The following PSD3 variants were observed in gnomAD, a reference collection of about 807,000 sequenced individuals.
PSD3 encodes the protein pleckstrin and Sec7 domain containing 3.
A neutral mutation model predicts 105.5 loss-of-function variants in PSD3; 49 were observed. That is an observed-to-expected ratio of 0.46 (90% CI 0.37 to 0.59). The LOEUF (loss-of-function observed/expected upper bound fraction) is 0.59, where lower values mean the gene tolerates loss of function less well. Ranked by LOEUF, PSD3 falls within the 20% of genes least tolerant of loss-of-function variation. The probability of loss-of-function intolerance (pLI) is 0.00; values close to 1 mark genes in which losing one functional copy is unlikely to be tolerated. For synonymous variants in PSD3, 557 were observed against 457.8 expected (o/e 1.22, Z -2.77); for missense variants, 1,561 against 1,263.8 (o/e 1.24, Z -3.57).
intron 9 of PSD3, among the ~76,000 whole-genome samples, chr8:18,694,811 C>T (rs1418254375): frequency 5.5e-5 from 6 of 108,278 alleles, no homozygotes; most frequent in Middle Eastern, 5.2e-3. Context: ...TAGTGAAACC[C>T]TATCTCCACT....
intron 6 of PSD3, chr8:18,802,326 C>T (rs771325825): frequency 2.3e-6 from 1 of 430,310 alleles, no homozygotes; most frequent in South Asian, 1.7e-5. Flanking sequence ...CCAGATGACC[C>T]TCACTTGACA....
chr8:18,841,315 A>G (rs916270682), intron 4 of PSD3, among the ~76,000 whole-genome samples: 49 of 152,192 alleles, frequency 3.2e-4, no homozygotes, highest in African/African-American at 1.1e-3. Flanking sequence ...GCAGCCCACT[A>G]AAACACAGCA....
Position 19,013,680 on chromosome 8 carries a change from C to A in PSD3, c.-97G>T. 9.2e-7 allele frequency: 1 copy of A among 1,082,772 alleles called. No homozygotes were observed. The highest frequency in any genetic ancestry group is 1.2e-6 in the Non-Finnish European group (1 of 865,100). The allele number at this position is 1,082,772 out of a possible 1,614,324, so 67.1% of individuals were successfully genotyped here. ...GTGCCGGCGGCCAGCGCCGCGTGCT[C>A]TTTGTTGAGCTCCCGGGACTGCCGA... On this transcript the variant is annotated 5_prime_UTR_variant, in exon 1 of 16. Transcript: ENST00000327040.
intron 10 of PSD3, among the ~76,000 whole-genome samples, chr8:18,634,266 T>A (rs981243357): frequency 6.6e-6 from 1 of 152,072 alleles, no homozygotes; most frequent in Non-Finnish European, 1.5e-5. Context: ...ACAGCCTTTT[T>A]TTTCTCTTTT....
intron 1 of PSD3, among the ~76,000 whole-genome samples, chr8:18,992,128 T>C (rs1825839286): frequency 1.3e-5 from 2 of 152,192 alleles, no homozygotes; most frequent in Non-Finnish European, 2.9e-5. Flanking sequence ...ACCCTGTTTT[T>C]ATGAAAAAGT....
At chr8:18,861,598 GTC>G (rs1268175990) in intron 4 of PSD3, among the ~76,000 whole-genome samples, 5 of 152,134 alleles carry the variant, frequency 3.3e-5, no homozygotes, top group African/African-American at 1.2e-4. Context: ...GCTCCAGCCA[GTC>G]ACCCATGCTT....
intron 1 of PSD3, among the ~76,000 whole-genome samples, chr8:18,970,380 C>G (rs1824574275): frequency 6.6e-6 from 1 of 151,042 alleles, no homozygotes; most frequent in South Asian, 2.1e-4. Flanking sequence ...CCTCATTTCC[C>G]CCAATATATC....
intron 1 of PSD3, among the ~76,000 whole-genome samples, chr8:18,942,528 A>G (rs573950203): frequency 8.5e-5 from 13 of 152,316 alleles, no homozygotes; most frequent in African/African-American, 3.1e-4. Flanking sequence ...CCAGTACCTC[A>G]AATGTAACTG....
At chr8:18,824,029 C>A (rs1812972228) in intron 4 of PSD3, among the ~76,000 whole-genome samples, 2 of 151,972 alleles carry the variant, frequency 1.3e-5, no homozygotes, top group Admixed American at 1.3e-4. Flanking sequence ...AACAAATTTC[C>A]AGGCTTATCT....
chr8:18,669,336 T>G (rs777786750), intron 9 of PSD3, among the ~76,000 whole-genome samples: 6 of 152,220 alleles, frequency 3.9e-5, no homozygotes, highest in African/African-American at 1.2e-4. Flanking sequence ...TATTGTATGT[T>G]TTTTTCCTAG....
chr8:18,711,205 T>C (rs2129421876), intron 9 of PSD3, among the ~76,000 whole-genome samples: 1 of 152,180 alleles, frequency 6.6e-6, no homozygotes, highest in East Asian at 1.9e-4. Context: ...CACAGACCAA[T>C]AACACTATGA....
At chr8:18,867,105 A>G (rs1817000367) in intron 4 of PSD3, among the ~76,000 whole-genome samples, 3 of 152,194 alleles carry the variant, frequency 2.0e-5, no homozygotes, top group Admixed American at 2.0e-4. Context: ...TAGAGAGAGA[A>G]AATAAATACG....
At chr8:18,756,080 T>A (rs1585854932) in intron 9 of PSD3, among the ~76,000 whole-genome samples, 2 of 152,230 alleles carry the variant, frequency 1.3e-5, no homozygotes, top group Admixed American at 6.5e-5. Context: ...AAACCTAGCT[T>A]TTCTCTTAAA....
At chr8:18,704,350 CT>C (rs1259076115) in intron 9 of PSD3, among the ~76,000 whole-genome samples, 1 of 151,944 alleles carries the variant, frequency 6.6e-6, no homozygotes, top group Non-Finnish European at 1.5e-5. Context: ...ATAAGAGAAC[CT>C]TTTTTTGTGA....
intron 1 of PSD3, among the ~76,000 whole-genome samples, chr8:18,999,758 A>T (rs909025763): frequency 1.3e-5 from 2 of 151,698 alleles, no homozygotes; most frequent in African/African-American, 4.8e-5. Flanking sequence ...CAAGTTTTTT[A>T]AAAAATGGAA....
chr8:18,588,107 G>A (rs1242682852), intron 12 of PSD3, among the ~76,000 whole-genome samples: 2 of 152,110 alleles, frequency 1.3e-5, no homozygotes, highest in Non-Finnish European at 2.9e-5. Flanking sequence ...ATACCCCAAA[G>A]AACGCTATGA....
At chr8:18,564,244 T>G (rs1005065732) in intron 14 of PSD3, among the ~76,000 whole-genome samples, 1 of 152,180 alleles carries the variant, frequency 6.6e-6, no homozygotes, top group African/African-American at 2.4e-5. Flanking sequence ...CTGAAATATT[T>G]AGTATTGGGA....
At chr8:18,620,828 C>G (rs181118002) in intron 11 of PSD3, among the ~76,000 whole-genome samples, 1 of 152,126 alleles carries the variant, frequency 6.6e-6, no homozygotes, top group African/African-American at 2.4e-5. Flanking sequence ...GAAACTAGTA[C>G]GGTATTTTTA....
At chr8:18,729,837 C>T (rs915717780) in intron 9 of PSD3, among the ~76,000 whole-genome samples, 3 of 152,168 alleles carry the variant, frequency 2.0e-5, no homozygotes, top group Admixed American at 6.5e-5. Flanking sequence ...TCATGCTAAA[C>T]CTTCCACTGA....
Sources: gnomAD v4.1 joint callset for allele counts (sites outside exome capture counted in the v4.1 genomes callset) on GRCh38, gnomAD v4.1.1 for gene constraint, MANE v1.5 for transcripts, NCBI Gene and HGNC (gene_info 2026-07-23, HGNC 2026-07-21) for gene names.